Variants in SPON1 observed in about 807,000 individuals in gnomAD.
SPON1 encodes spondin-1.
SPON1 carries 52 observed loss-of-function variants against 111.7 expected under a neutral mutation model. That is an observed-to-expected ratio of 0.47 (90% CI 0.37 to 0.59). The LOEUF (loss-of-function observed/expected upper bound fraction) is 0.59, where lower values mean the gene tolerates loss of function less well. SPON1 is among the 20% of genes least tolerant of loss of function. The pLI, the probability that SPON1 is intolerant of heterozygous loss-of-function variation, is 0.00. For synonymous variants in SPON1, 410 were observed against 395.8 expected (o/e 1.04, Z -0.43); for missense variants, 957 against 1,068.5 (o/e 0.90, Z 1.46).
intron 6 of SPON1, among the ~76,000 whole-genome samples, chr11:14,211,942 GA>G (rs1182901394): frequency 2.0e-5 from 3 of 148,034 alleles, no homozygotes; most frequent in African/African-American, 7.4e-5. Context: ...GCCAATTTTT[GA>G]AAAAAAAAGC....
Position 14,256,486 on chromosome 11 carries a change from G to T in SPON1, c.1234-131G>T, listed in dbSNP as rs1350951779. 1.5e-5 allele frequency: 9 copies of T among 582,234 alleles called. No homozygotes were observed. In the Middle Eastern group the frequency reaches 1.6e-3, roughly 102 times the overall value. The allele number at this position is 582,234 out of a possible 1,614,324, so 36.1% of individuals were successfully genotyped here. ...CTTTCTCAGGCAGATTGTAAATGTT[G>T]GTCCAGAACTTTGCCATGGCATACG... On this transcript the variant is annotated intron_variant, in intron 9 of 15. Transcript: ENST00000576479.
At chr11:14,199,688 C>G (rs1351097399) in intron 6 of SPON1, among the ~76,000 whole-genome samples, 1 of 152,192 alleles carries the variant, frequency 6.6e-6, no homozygotes, top group African/African-American at 2.4e-5. Context: ...CAGCTGTGGT[C>G]CTGCACCTTT....
At chr11:14,019,808 T>C (rs1848468047) in intron 2 of SPON1, among the ~76,000 whole-genome samples, 1 of 152,142 alleles carries the variant, frequency 6.6e-6, no homozygotes, top group Non-Finnish European at 1.5e-5. Flanking sequence ...TTGGCCACAC[T>C]AGCTCAAAGC....
chr11:13,976,263 C>T (rs576973352), intron 1 of SPON1, among the ~76,000 whole-genome samples: 120 of 152,110 alleles, frequency 7.9e-4, no homozygotes, highest in Non-Finnish European at 1.3e-3. Flanking sequence ...TTTCTTGGAT[C>T]TCTTAATAGC....
intron 7 of SPON1, among the ~76,000 whole-genome samples, chr11:14,250,965 G>A (rs1416641541): frequency 1.3e-5 from 2 of 152,144 alleles, no homozygotes; most frequent in African/African-American, 4.8e-5. Flanking sequence ...CAAGTTCTAA[G>A]CCAGACATTG....
At chr11:14,129,193 A>C (rs1554927301) in intron 5 of SPON1, among the ~76,000 whole-genome samples, 1 of 152,050 alleles carries the variant, frequency 6.6e-6, no homozygotes, top group East Asian at 1.9e-4. Flanking sequence ...TTCTTACCAC[A>C]TAGGCTGCAA....
At position 14,200,274 on chromosome 11, in the gene SPON1, A is replaced by G. The variant is rs1425856015; in HGVS notation, c.826-43058A>G. On this transcript the variant is annotated intron_variant, in intron 6 of 15. Transcript: ENST00000576479. ...TGAGACCAAGAACTTTGGGTTATCA[A>G]TTGTTAAGATCTCAGTTCTTTGCAC... 3.3e-5 allele frequency among the ~76,000 whole-genome samples: 5 copies of G among 152,190 alleles called. No individual in the cohort carries two copies. The East Asian group carries it at 7.7e-4, about 23-fold the overall frequency.
chr11:14,085,626 T>C (rs1554922512), intron 5 of SPON1, among the ~76,000 whole-genome samples: 1 of 152,244 alleles, frequency 6.6e-6, no homozygotes, highest in Non-Finnish European at 1.5e-5. Flanking sequence ...GTCTTGGCTA[T>C]ACAGGCTCTT....
chr11:14,219,946 G>T (rs1039019906), intron 6 of SPON1, among the ~76,000 whole-genome samples: 1 of 152,090 alleles, frequency 6.6e-6, no homozygotes, highest in Non-Finnish European at 1.5e-5. Flanking sequence ...AATTAGCTGG[G>T]CGTGATGGTG....
intron 6 of SPON1, among the ~76,000 whole-genome samples, chr11:14,189,470 C>T (rs1554934354): frequency 1.3e-5 from 2 of 152,142 alleles, no homozygotes; most frequent in South Asian, 2.1e-4. Context: ...GCCTAAGCCC[C>T]CTCGGAGGCA....
chr11:14,090,489 G>A lies in SPON1; in HGVS notation c.676+10468G>A, dbSNP rs138449575. On this transcript the variant is annotated intron_variant, in intron 5 of 15. Coordinates refer to ENST00000576479, the MANE Select transcript of SPON1 (RefSeq NM_006108.4). ...GTGTCTGGAGTCTGTCTCTTCTGAT[G>A]TTCAGATGTGTTTGGAGTTTCTTCC... is the stretch of plus-strand genomic sequence containing the variant. Among the ~76,000 whole-genome samples, 1,249 of 152,264 alleles carry A rather than the reference G, an allele frequency of 8.2e-3. 11 individuals are homozygous for A. Among genetic ancestry groups the A allele is most frequent in the Non-Finnish European group, 0.012 (792 of 68,020 alleles).
intron 5 of SPON1, among the ~76,000 whole-genome samples, chr11:14,084,378 T>TA (rs1324550279): frequency 6.6e-6 from 1 of 152,206 alleles, no homozygotes; most frequent in East Asian, 1.9e-4. Context: ...AACTCCCACT[T>TA]ACGAGTGAGA....
chr11:13,988,302 T>A (rs1348506854), intron 2 of SPON1, among the ~76,000 whole-genome samples: 1 of 152,214 alleles, frequency 6.6e-6, no homozygotes, highest in Admixed American at 6.5e-5. Flanking sequence ...GGTATTTTAT[T>A]CTCTTACTAG....
At chr11:14,165,452 A>G (rs912795805) in intron 6 of SPON1, among the ~76,000 whole-genome samples, 30 of 152,330 alleles carry the variant, frequency 2.0e-4, no homozygotes, top group African/African-American at 7.0e-4. Flanking sequence ...GAGTGTACTC[A>G]TGCAGGCCTG....
intron 3 of SPON1, among the ~76,000 whole-genome samples, chr11:14,068,052 A>G (rs1848846295): frequency 6.6e-6 from 1 of 152,206 alleles, no homozygotes; most frequent in African/African-American, 2.4e-5. Context: ...TCTCACATCT[A>G]AAGTAGTTCT....
rs78300928 is a variant in SPON1, at chr11:14,036,850, G to A, written c.346-4671G>A. ...GGCACCAAGAAGGAGCTATGGCACA[G>A]AAGGCAAGGGAGGAGAGTCAGTTGA... On this transcript the variant is annotated intron_variant, in intron 2 of 15. Transcript: ENST00000576479. Among the ~76,000 whole-genome samples, 278 of 152,236 alleles carry A rather than the reference G, an allele frequency of 1.8e-3. 1 individual carries two copies. Among genetic ancestry groups the A allele is most frequent in the South Asian group, 8.9e-3 (43 of 4,826 alleles).
At chr11:14,210,550 C>A (rs764275168) in intron 6 of SPON1, among the ~76,000 whole-genome samples, 20 of 152,174 alleles carry the variant, frequency 1.3e-4, no homozygotes, top group Non-Finnish European at 2.4e-4. Context: ...CAGGCACAAG[C>A]CACCATGCCT....
At chr11:14,186,490 G>C (rs956825682) in intron 6 of SPON1, among the ~76,000 whole-genome samples, 2 of 152,168 alleles carry the variant, frequency 1.3e-5, no homozygotes, top group African/African-American at 4.8e-5. Flanking sequence ...CTGGGAGTGG[G>C]GGAGATGCAT....
intron 5 of SPON1, among the ~76,000 whole-genome samples, chr11:14,083,073 A>G (rs978133659): frequency 9.2e-5 from 14 of 152,216 alleles, no homozygotes; most frequent in African/African-American, 3.4e-4. Context: ...GAAAAATATT[A>G]TTTATTTTTA....
Sources: allele counts gnomAD v4.1 joint callset (sites outside exome capture counted in the v4.1 genomes callset), GRCh38; gene constraint gnomAD v4.1.1; transcripts MANE v1.5; gene names NCBI Gene and HGNC (gene_info 2026-07-23, HGNC 2026-07-21).